SLC14A2: variants seen among roughly 807,000 people sequenced by gnomAD.
SLC14A2 encodes the protein urea transporter 2.
Under a neutral mutation model 104.6 loss-of-function variants are expected in SLC14A2, and 91 were observed. The observed-to-expected ratio is 0.87, with a 90% CI of 0.73 to 1.04. The LOEUF is 1.04. Among genes scored for constraint, SLC14A2 ranks in the 50% least tolerant of loss-of-function variants. SLC14A2 has a pLI of 0.00. For synonymous variants in SLC14A2, 476 were observed against 466.4 expected, an observed-to-expected ratio of 1.02 and a Z score of -0.27; for missense variants, 1,189 against 1,156.0, an observed-to-expected ratio of 1.03 and a Z score of -0.41.
chr18:45,635,251 G>A (rs2045400997), intron 5 of SLC14A2, among the ~76,000 whole-genome samples: 1 of 152,088 alleles, frequency 6.6e-6, no homozygotes, highest in African/African-American at 2.4e-5. Flanking sequence ...TTTGGGAGGT[G>A]GAAACACACA....
chr18:45,193,010 T>C, the SLC14A2 span, among the ~76,000 whole-genome samples: 1 of 152,206 alleles, frequency 6.6e-6, no homozygotes, highest in Non-Finnish European at 1.5e-5. Context: ...ATGATTATCT[T>C]GTCATATACT....
intron 1 of SLC14A2, among the ~76,000 whole-genome samples, chr18:45,223,331 C>A (rs1052627136): frequency 7.9e-5 from 12 of 152,128 alleles, no homozygotes; most frequent in Non-Finnish European, 1.8e-4. Context: ...GCATTAAGCA[C>A]CATGGAGAAA....
intron 1 of SLC14A2, among the ~76,000 whole-genome samples, chr18:45,440,786 T>C (rs545033992): frequency 3.2e-4 from 48 of 152,222 alleles, no homozygotes; most frequent in African/African-American, 1.0e-3. Context: ...CACAGAGACA[T>C]TATGCAATAA....
intron 2 of SLC14A2, among the ~76,000 whole-genome samples, chr18:45,506,873 G>A (rs2043295003): frequency 6.6e-6 from 1 of 152,338 alleles, no homozygotes; most frequent in East Asian, 1.9e-4. Context: ...TAGGAATGAA[G>A]GGGAACTGGA....
chr18:45,453,726 T>A (rs2086892822), intron 1 of SLC14A2, among the ~76,000 whole-genome samples: 1 of 152,096 alleles, frequency 6.6e-6, no homozygotes, highest in African/African-American at 2.4e-5. Context: ...ACTCACTGCA[T>A]CCACATGAGG....
intron 1 of SLC14A2, among the ~76,000 whole-genome samples, chr18:45,264,242 A>ATTAT (rs1247667159): frequency 6.6e-6 from 1 of 151,990 alleles, no homozygotes. Context: ...TTTATTGCTC[A>ATTAT]TTATTTATTT....
At chr18:45,437,546 C>T (rs955799591) in intron 1 of SLC14A2, among the ~76,000 whole-genome samples, 3 of 152,176 alleles carry the variant, frequency 2.0e-5, no homozygotes, top group Non-Finnish European at 4.4e-5. Context: ...TGCTAGCCAC[C>T]CTCATGTCAT....
At chr18:45,444,062 C>T (rs1201208587) in intron 1 of SLC14A2, among the ~76,000 whole-genome samples, 3 of 152,182 alleles carry the variant, frequency 2.0e-5, no homozygotes, top group Non-Finnish European at 4.4e-5. Context: ...GTAACCATTA[C>T]CAATGCTGCA....
intron 2 of SLC14A2, among the ~76,000 whole-genome samples, chr18:45,551,645 G>A (rs1568272944): frequency 6.6e-6 from 1 of 152,222 alleles, no homozygotes. Context: ...GGCATGGGGA[G>A]CAGGAAATGT....
intron 1 of SLC14A2, among the ~76,000 whole-genome samples, chr18:45,318,618 T>A (rs555942189): frequency 6.6e-5 from 10 of 152,000 alleles, no homozygotes; most frequent in African/African-American, 2.4e-4. Flanking sequence ...TGAAATCCCA[T>A]CTCTACTAAA....
At chr18:45,194,685 G>T in the SLC14A2 span, among the ~76,000 whole-genome samples, 31,563 of 123,536 alleles carry the variant, frequency 0.26, 4,034 homozygotes, top group Middle Eastern at 0.32. Context: ...TCACACTGTT[G>T]CCCAGGCTGG....
intron 1 of SLC14A2, chr18:45,447,537 C>G (rs2086790202): frequency 6.6e-6 from 1 of 152,230 alleles, no homozygotes; most frequent in East Asian, 1.9e-4. Context: ...TGTTTCCTAT[C>G]AGTCGACCAT....
At chr18:45,365,547 C>G (rs1057364690) in intron 1 of SLC14A2, among the ~76,000 whole-genome samples, 1 of 152,214 alleles carries the variant, frequency 6.6e-6, no homozygotes, top group African/African-American at 2.4e-5. Flanking sequence ...CATTCAGACT[C>G]TGTGACTTCT....
At chr18:45,248,328 T>A (rs2084387490) in intron 1 of SLC14A2, among the ~76,000 whole-genome samples, 1 of 152,142 alleles carries the variant, frequency 6.6e-6, no homozygotes, top group Non-Finnish European at 1.5e-5. Flanking sequence ...TTGATTGTTA[T>A]TTCTTCTGTT....
rs561482987 is a variant in SLC14A2, at chr18:45,239,855, G to A, written c.-125+26664G>A. ...TACTAACCAAAGATCTTCATATAGA[G>A]TGAATGAATGAATCCTTGTAACAAT... On this transcript the variant is annotated intron_variant, in intron 1 of 20. Coordinates refer to the SLC14A2 transcript ENST00000586448. 2.5e-3 allele frequency among the ~76,000 whole-genome samples: 381 copies of A among 152,276 alleles called. 3 individuals are homozygous for A. The highest frequency in any genetic ancestry group is 3.4e-3 in the Non-Finnish European group (228 of 68,020).
intron 2 of SLC14A2, among the ~76,000 whole-genome samples, chr18:45,501,819 C>T (rs78039709): frequency 0.09 from 13,670 of 152,228 alleles, 766 homozygotes; most frequent in Non-Finnish European, 0.12. Context: ...GTGACTTCCG[C>T]TCTGGGGAAA....
rs186248956 is a variant in SLC14A2, at chr18:45,338,889, G to A, written c.-125+125698G>A. Among the ~76,000 whole-genome samples the A allele has an allele frequency of 4.0e-5, 6 of 151,796 alleles. No homozygotes were observed. The East Asian group carries it at 1.2e-3, about 29-fold the overall frequency. ...GGACCGATTGGGTTCCTAACCCCAG[G>A]GACACCATTCCAAAGTGACAACAAA... On this transcript the variant is annotated intron_variant, in intron 1 of 20. Coordinates refer to the SLC14A2 transcript ENST00000586448.
intron 9 of SLC14A2, among the ~76,000 whole-genome samples, chr18:45,643,715 T>G (rs375506375): frequency 7.2e-5 from 11 of 152,256 alleles, no homozygotes; most frequent in African/African-American, 1.7e-4. Flanking sequence ...TGTATTTTTT[T>G]GGGTCTCACT....
intron 1 of SLC14A2, among the ~76,000 whole-genome samples, chr18:45,310,492 A>ATC (rs2085067610): frequency 6.6e-6 from 1 of 152,250 alleles, no homozygotes; most frequent in Non-Finnish European, 1.5e-5. Flanking sequence ...CAGTTCAGAC[A>ATC]AGAATACAAA....
Sources: gnomAD v4.1 joint callset for allele counts (sites outside exome capture counted in the v4.1 genomes callset) on GRCh38, gnomAD v4.1.1 for gene constraint, MANE v1.5 for transcripts, NCBI Gene and HGNC (gene_info 2026-07-23, HGNC 2026-07-21) for gene names.